Variants in NTM observed in about 807,000 individuals in gnomAD.
NTM encodes the protein IgLON family member 2.
Under a neutral mutation model 42.1 loss-of-function variants are expected in NTM, and 13 were observed. That is an observed-to-expected ratio of 0.31 (90% CI 0.20 to 0.49). The LOEUF is 0.49. Among genes scored for constraint, NTM ranks in the 20% least tolerant of loss-of-function variants. The pLI, the probability that NTM is intolerant of heterozygous loss-of-function variation, is 0.99. For synonymous variants in NTM, 187 were observed against 179.2 expected (o/e 1.04, Z -0.35); for missense variants, 373 against 452.8 (o/e 0.82, Z 1.60).
chr11:131,437,633 G>T (rs941304256), intron 1 of NTM, among the ~76,000 whole-genome samples: 1 of 152,042 alleles, frequency 6.6e-6, no homozygotes, highest in African/African-American at 2.4e-5. Flanking sequence ...CTTTCCATTT[G>T]CTTGGTAGAT....
intron 1 of NTM, chr11:131,770,687 G>T (rs955103989): frequency 1.3e-5 from 2 of 152,196 alleles, no homozygotes; most frequent in African/African-American, 4.8e-5. Context: ...AACTGAGCTA[G>T]ATCTGTTTGA....
At chr11:131,665,878 T>A (rs1360783595) in intron 1 of NTM, among the ~76,000 whole-genome samples, 1 of 152,252 alleles carries the variant, frequency 6.6e-6, no homozygotes, top group East Asian at 1.9e-4. Context: ...TCCTTATCTG[T>A]ACAATGGGTA....
chr11:131,430,143 C>T (rs937323449), intron 1 of NTM, among the ~76,000 whole-genome samples: 10 of 152,118 alleles, frequency 6.6e-5, no homozygotes, highest in African/African-American at 2.4e-4. Context: ...GAGACTATAG[C>T]CAGGAAGGGA....
intron 1 of NTM, among the ~76,000 whole-genome samples, chr11:131,762,705 T>C (rs1217909514): frequency 6.6e-6 from 1 of 152,204 alleles, no homozygotes; most frequent in Non-Finnish European, 1.5e-5. Flanking sequence ...CAATTTGTTC[T>C]CCCCAATAGA....
intron 1 of NTM, among the ~76,000 whole-genome samples, chr11:131,493,993 ATC>A (rs1183784722): frequency 1.3e-5 from 2 of 152,232 alleles, no homozygotes; most frequent in African/African-American, 4.8e-5. Context: ...ACTGCTAAAT[ATC>A]TGTCATTCAG....
At chr11:131,467,939 CTA>C (rs888371931) in intron 1 of NTM, among the ~76,000 whole-genome samples, 21 of 152,306 alleles carry the variant, frequency 1.4e-4, no homozygotes, top group African/African-American at 4.8e-4. Context: ...TTTCCTCTGT[CTA>C]TGGGATTCTG....
chr11:132,148,042 A>G (rs1407915189), intron 3 of NTM, among the ~76,000 whole-genome samples: 2 of 152,170 alleles, frequency 1.3e-5, no homozygotes, highest in Admixed American at 6.5e-5. Context: ...GCCAGGGGAC[A>G]TGGGAATCCT....
At chr11:131,897,556 T>C (rs1217528708) in intron 1 of NTM, among the ~76,000 whole-genome samples, 1 of 152,156 alleles carries the variant, frequency 6.6e-6, no homozygotes, top group Non-Finnish European at 1.5e-5. Flanking sequence ...GAACTACACT[T>C]TTACTGTAAT....
intron 1 of NTM, among the ~76,000 whole-genome samples, chr11:131,517,772 G>A (rs2049085770): frequency 6.6e-6 from 1 of 152,072 alleles, no homozygotes; most frequent in African/African-American, 2.4e-5. Flanking sequence ...GATCTAACTA[G>A]TTCATTTTCC....
At chr11:131,583,550 G>C (rs1290265474) in intron 1 of NTM, among the ~76,000 whole-genome samples, 1 of 152,090 alleles carries the variant, frequency 6.6e-6, no homozygotes, top group East Asian at 1.9e-4. Context: ...GAGTAATCGC[G>C]CCTTACCTTC....
At chr11:131,495,862 T>TG (rs1955287987) in intron 1 of NTM, among the ~76,000 whole-genome samples, 1 of 152,182 alleles carries the variant, frequency 6.6e-6, no homozygotes, top group Non-Finnish European at 1.5e-5. Context: ...AATGATACAT[T>TG]TGACTTCATT....
chr11:131,915,494 C>T (rs2056152538), intron 2 of NTM, among the ~76,000 whole-genome samples: 1 of 152,160 alleles, frequency 6.6e-6, no homozygotes, highest in South Asian at 2.1e-4. Context: ...CGATATCCCC[C>T]AGCTATATTC....
At chr11:132,145,516 AG>A (rs2070192931) in intron 2 of NTM, among the ~76,000 whole-genome samples, 1 of 152,352 alleles carries the variant, frequency 6.6e-6, no homozygotes, top group African/African-American at 2.4e-5. Flanking sequence ...GAAATTTAAA[AG>A]TGTAGAAAAG....
At chr11:131,372,498 A>C (rs1008747079) in intron 1 of NTM, among the ~76,000 whole-genome samples, 1 of 152,138 alleles carries the variant, frequency 6.6e-6, no homozygotes, top group Non-Finnish European at 1.5e-5. Context: ...TGGGTGCACA[A>C]GAATGAAGTG....
At chr11:131,461,796 G>C (rs1376451678) in intron 1 of NTM, among the ~76,000 whole-genome samples, 1 of 152,110 alleles carries the variant, frequency 6.6e-6, no homozygotes, top group Non-Finnish European at 1.5e-5. Flanking sequence ...ATGTCACATT[G>C]TACACTTTGA....
At chr11:131,891,602 T>C (rs929835584) in intron 1 of NTM, among the ~76,000 whole-genome samples, 3 of 152,112 alleles carry the variant, frequency 2.0e-5, no homozygotes, top group South Asian at 2.1e-4. Flanking sequence ...CCCCGAGGAC[T>C]CTGCCCACTC....
intron 1 of NTM, among the ~76,000 whole-genome samples, chr11:131,515,500 T>G (rs1271448982): frequency 1.3e-5 from 2 of 152,160 alleles, no homozygotes; most frequent in Non-Finnish European, 2.9e-5. Context: ...TGGGGATAAT[T>G]GAAGGTGAAC....
intron 2 of NTM, 149 bp downstream of exon 2, chr11:131,911,797 C>T: frequency 9.8e-7 from 1 of 1,020,800 alleles, no homozygotes; most frequent in Non-Finnish European, 1.4e-6. Flanking sequence ...GCGCTGGGGG[C>T]TCTGCCCGGG....
intron 2 of NTM, chr11:131,922,018 T>G (rs143452269): frequency 3.2e-4 from 49 of 152,756 alleles, no homozygotes; most frequent in African/African-American, 1.2e-3. Context: ...AGCAACATTT[T>G]TACATCTCCA....
Sources: allele counts gnomAD v4.1 joint callset (sites outside exome capture counted in the v4.1 genomes callset), GRCh38; gene constraint gnomAD v4.1.1; transcripts MANE v1.5; gene names NCBI Gene and HGNC (gene_info 2026-07-23, HGNC 2026-07-21).